The following TOX2 variants were observed in gnomAD, a reference collection of about 807,000 sequenced individuals.
TOX2 encodes the protein granulosa cell HMG box 1.
A neutral mutation model predicts 47.4 loss-of-function variants in TOX2; 15 were observed. That is an observed-to-expected ratio of 0.32 (90% CI 0.21 to 0.49). The LOEUF is 0.49. TOX2 is among the 20% of genes least tolerant of loss of function. The pLI is 0.99. For synonymous variants in TOX2, 290 were observed against 296.6 expected (o/e 0.98, Z 0.23); for missense variants, 622 against 673.1 (o/e 0.92, Z 0.84).
chr20:44,047,087 G>A (rs1307525556), intron 3 of TOX2, among the ~76,000 whole-genome samples: 1 of 152,166 alleles, frequency 6.6e-6, no homozygotes, highest in Non-Finnish European at 1.5e-5. Context: ...AATCATCAAT[G>A]TAGACTATTT....
intron 1 of TOX2, among the ~76,000 whole-genome samples, chr20:43,941,323 C>CTT (rs3037468): frequency 0.13 from 17,351 of 135,764 alleles, 1,251 homozygotes; most frequent in East Asian, 0.29. Context: ...GTTTTAAAGC[C>CTT]TTTTTTTTTT....
chr20:44,066,904 T>C (rs371883889), intron 8 of TOX2, 47 bp downstream of exon 8: 155 of 1,581,532 alleles, frequency 9.8e-5, no homozygotes, highest in Non-Finnish European at 1.3e-4. Context: ...CCAGGGAGAG[T>C]GGGAACAGGA....
chr20:43,961,715 C>A (rs2069760268), intron 1 of TOX2, among the ~76,000 whole-genome samples: 1 of 152,198 alleles, frequency 6.6e-6, no homozygotes, highest in East Asian at 1.9e-4. Context: ...TCCCTACCTT[C>A]CCTCCTGTCA....
chr20:43,989,467 G>A (rs1046126191), intron 2 of TOX2, among the ~76,000 whole-genome samples: 7 of 152,094 alleles, frequency 4.6e-5, no homozygotes, highest in African/African-American at 1.7e-4. Context: ...CATGAGCTAG[G>A]CTTTTTAATT....
Position 43,915,536 on chromosome 20 carries a change from C to G in TOX2, c.99+546C>G, listed in dbSNP as rs949616796. On this transcript the variant is annotated intron_variant, in intron 1 of 8. Transcript: ENST00000341197. This position sits in a 1 kb window ranked among gnomAD's most constrained non-coding sequence, Gnocchi z 7.1. ...GCAGCCACAACGCCTCACCCAGGCGCACGCTGTCACACACAGCCACCCCCC... is the reference window on the plus strand; with the variant it reads ...GCAGCCACAACGCCTCACCCAGGCGGACGCTGTCACACACAGCCACCCCCC... Among the ~76,000 whole-genome samples, 1 of 152,172 alleles carries G rather than the reference C, an allele frequency of 6.6e-6. No individual in the cohort carries two copies. Among genetic ancestry groups the G allele is most frequent in the Non-Finnish European group, 1.5e-5 (1 of 68,038 alleles).
chr20:43,968,279 C>T (rs1158895765), intron 1 of TOX2, among the ~76,000 whole-genome samples: 3 of 152,188 alleles, frequency 2.0e-5, no homozygotes, highest in African/African-American at 2.4e-5. Flanking sequence ...TGTCATGAAT[C>T]AGTGACTCTG....
intron 3 of TOX2, among the ~76,000 whole-genome samples, chr20:44,044,966 C>A (rs567059428): frequency 6.6e-6 from 1 of 152,160 alleles, no homozygotes; most frequent in Non-Finnish European, 1.5e-5. Flanking sequence ...TCAGCTGCCA[C>A]GTGGATGAAC....
chr20:44,051,282 A>G (rs2071504465), intron 3 of TOX2, 24 bp from the exon 4 acceptor site: 1 of 1,576,846 alleles, frequency 6.3e-7, no homozygotes, highest in Non-Finnish European at 8.6e-7. Context: ...TTCCTAACTC[A>G]ACCCTCCTGT....
intron 3 of TOX2, among the ~76,000 whole-genome samples, chr20:44,050,901 T>C (rs1454268826): frequency 6.6e-6 from 1 of 152,192 alleles, no homozygotes; most frequent in South Asian, 2.1e-4. Context: ...ATTCAAAATG[T>C]AGTTAGCGTC....
chr20:43,966,623 G>C (rs1055274454), intron 1 of TOX2, among the ~76,000 whole-genome samples: 2 of 151,986 alleles, frequency 1.3e-5, no homozygotes, highest in Non-Finnish European at 2.9e-5. Flanking sequence ...GCTTGGTGGT[G>C]CATGCCTGTA....
intron 1 of TOX2, among the ~76,000 whole-genome samples, chr20:43,958,861 A>G (rs2069711435): frequency 6.6e-6 from 1 of 152,242 alleles, no homozygotes; most frequent in Non-Finnish European, 1.5e-5. Flanking sequence ...CAGAAGCCAG[A>G]GGATTAAAGC....
At chr20:43,923,836 A>G (rs1290511286) in intron 1 of TOX2, among the ~76,000 whole-genome samples, 1 of 152,182 alleles carries the variant, frequency 6.6e-6, no homozygotes, top group Admixed American at 6.5e-5. Context: ...CAGGGGACAC[A>G]GGAGGAAACG....
chr20:44,043,443 A>G (rs956260636), intron 3 of TOX2, among the ~76,000 whole-genome samples: 2 of 152,208 alleles, frequency 1.3e-5, no homozygotes, highest in African/African-American at 4.8e-5. Context: ...CTACATTTTC[A>G]TATATCCTTG....
In TOX2 at chr20:43,978,399, G is replaced by T. The variant is rs201943983; in HGVS notation, c.165+4967G>T. ...GAGCCCTCTTCAAGTCACTTTCACA[G>T]GCATCCCCATCTCAGGCTGTACTTC... On this transcript the variant is annotated intron_variant, in intron 2 of 8. Coordinates refer to ENST00000341197, the MANE Select transcript of TOX2 (RefSeq NM_001098797.2). Among the ~76,000 whole-genome samples the T allele has an allele frequency of 3.3e-5, 5 of 152,148 alleles. No homozygotes were observed. In the East Asian group the frequency reaches 9.6e-4, roughly 29 times the overall value.
At chr20:43,991,100 T>C (rs529043854) in intron 2 of TOX2, among the ~76,000 whole-genome samples, 2 of 152,326 alleles carry the variant, frequency 1.3e-5, no homozygotes, top group Admixed American at 6.5e-5. Flanking sequence ...TTGCCTCTTT[T>C]TACAGTTGGT....
intron 3 of TOX2, among the ~76,000 whole-genome samples, chr20:44,024,379 T>C (rs867087134): frequency 1.3e-4 from 18 of 140,524 alleles, no homozygotes; most frequent in South Asian, 2.4e-4. Context: ...TCCAATTCTC[T>C]TACTTTTCTT....
rs1316891142 is a variant in TOX2 at position 44,066,830 on chromosome 20, G to T, written c.1457G>T (p.Ser486Ile). 6.2e-7 allele frequency: 1 copy of T among 1,614,098 alleles called. No individual in the cohort carries two copies. Among genetic ancestry groups the T allele is most frequent in the Non-Finnish European group, 8.5e-7 (1 of 1,179,982 alleles). ...SSGDWDSSYP[S>I]GECGISTCSL... ...GGGGACTGGGACAGCAGCTACCCCA[G>T]TGGGGAGTGTGGCATCAGCACCTGC... Residue 486 changes from serine (S) to isoleucine (I), a missense_variant, in exon 8 of 9, where the codon AGT becomes ATT. Around this residue, in one of 3 missense-constraint regions of TOX2, gnomAD observed 294 missense variants for 300.0 expected, o/e 0.98. Coordinates refer to ENST00000341197, the MANE Select transcript of TOX2 (RefSeq NM_001098797.2).
At chr20:44,044,656 G>A (rs375454358) in intron 3 of TOX2, among the ~76,000 whole-genome samples, 95 of 152,228 alleles carry the variant, frequency 6.2e-4, no homozygotes, top group African/African-American at 2.1e-3. Context: ...AACCGCAACC[G>A]GAACCCTTGT....
intron 1 of TOX2, among the ~76,000 whole-genome samples, chr20:43,921,788 C>T (rs188882513): frequency 5.1e-4 from 77 of 152,188 alleles, no homozygotes; most frequent in African/African-American, 1.7e-3. Flanking sequence ...CCTCTCGAAG[C>T]GCTGGGACTG....
Sources: gnomAD v4.1 joint callset for allele counts (sites outside exome capture counted in the v4.1 genomes callset) on GRCh38, gnomAD v4.1.1 for gene constraint, gnomAD v4.1.1 regional missense constraint, Gnocchi (gnomAD v3.1) non-coding constraint, MANE v1.5 for transcripts, NCBI Gene and HGNC (gene_info 2026-07-23, HGNC 2026-07-21) for gene names.